Variants in YAF2 observed in about 807,000 individuals in gnomAD.
YAF2 encodes YY1-associated factor 2.
YAF2 carries 7 observed loss-of-function variants against 20.1 expected under a neutral mutation model. The observed-to-expected ratio is 0.35, with a 90% confidence interval of 0.20 to 0.65. The LOEUF is 0.65. Among genes scored for constraint, YAF2 ranks in the 30% least tolerant of loss-of-function variants. YAF2 has a pLI of 0.69. For synonymous variants in YAF2, 74 were observed against 76.0 expected (o/e 0.97, Z 0.14); for missense variants, 151 against 219.2 (o/e 0.69, Z 1.96).
intron 2 of YAF2, among the ~76,000 whole-genome samples, chr12:42,213,009 A>G (rs1384310571): frequency 6.6e-6 from 1 of 152,222 alleles, no homozygotes; most frequent in Non-Finnish European, 1.5e-5. Flanking sequence ...AAGGAGCAAT[A>G]ATGCAAATAT....
chr12:42,234,659 A>G, intron 2 of YAF2: 1 of 984,554 alleles, frequency 1.0e-6, no homozygotes, highest in African/African-American at 1.7e-5. Flanking sequence ...ATTTGAACTT[A>G]ATATTATTTA....
At chr12:42,179,076 A>C (rs2066272064) in intron 2 of YAF2, among the ~76,000 whole-genome samples, 1 of 152,092 alleles carries the variant, frequency 6.6e-6, no homozygotes, top group African/African-American at 2.4e-5. Flanking sequence ...GAAAAAATAC[A>C]CTTGTCTGGG....
intron 2 of YAF2, among the ~76,000 whole-genome samples, chr12:42,225,134 T>A (rs1385135250): frequency 6.6e-6 from 1 of 151,940 alleles, no homozygotes; most frequent in Non-Finnish European, 1.5e-5. Flanking sequence ...CAGTGATGAG[T>A]TTTTCACATT....
At chr12:42,212,038 A>G (rs2067227994) in intron 2 of YAF2, among the ~76,000 whole-genome samples, 1 of 152,142 alleles carries the variant, frequency 6.6e-6, no homozygotes, top group African/African-American at 2.4e-5. Flanking sequence ...TCATCTCAAA[A>G]AAAAAAAAGT....
At chr12:42,162,268 T>G (rs1256649666) in intron 2 of YAF2, among the ~76,000 whole-genome samples, 1 of 152,202 alleles carries the variant, frequency 6.6e-6, no homozygotes, top group Non-Finnish European at 1.5e-5. Flanking sequence ...TCCTTTAAGT[T>G]TCTTACATCT....
chr12:42,236,711 AC>A (rs2068170326), intron 2 of YAF2, among the ~76,000 whole-genome samples: 1 of 152,164 alleles, frequency 6.6e-6, no homozygotes, highest in Non-Finnish European at 1.5e-5. Context: ...TTTCTAATGG[AC>A]TTTGTAATAT....
intron 2 of YAF2, among the ~76,000 whole-genome samples, chr12:42,230,846 C>T (rs1264263410): frequency 2.0e-5 from 3 of 152,226 alleles, no homozygotes; most frequent in South Asian, 4.1e-4. Flanking sequence ...GTCTTAGAGA[C>T]ATGAAGGAAG....
rs565241531 is a variant in YAF2, at chr12:42,161,318, C to T, written c.305+295G>A. ...CTGTTCGGTATGTTGAAAACCACTCCTGGTTCAAATAGCTCTTCTTAAGGG... is the reference window on the plus strand; with the variant it reads ...CTGTTCGGTATGTTGAAAACCACTCTTGGTTCAAATAGCTCTTCTTAAGGG... On this transcript the variant is annotated intron_variant, in intron 3 of 3. Transcript: ENST00000534854. The T allele has an allele frequency of 4.0e-5, 11 of 275,630 alleles. No individual in the cohort carries two copies. In the South Asian group the frequency reaches 5.5e-4, roughly 14 times the overall value. The allele number at this position is 275,630 out of a possible 1,614,324, so 17.1% of individuals were successfully genotyped here.
At chr12:42,168,563 C>T (rs887901241) in intron 2 of YAF2, among the ~76,000 whole-genome samples, 1 of 152,004 alleles carries the variant, frequency 6.6e-6, no homozygotes, top group African/African-American at 2.4e-5. Context: ...AAATTCTTTT[C>T]GGAAAAATGA....
rs376883094 is a variant in YAF2, at chr12:42,236,807, G to A, written c.152+792C>T. ...AGGGTACCTTCGTATAAGAATCAAG[G>A]AGCTCGATAACTAAGTGCTGACAGA... On this transcript the variant is annotated intron_variant, in intron 2 of 3. Coordinates refer to ENST00000534854, the MANE Select transcript of YAF2 (RefSeq NM_005748.6). Among the ~76,000 whole-genome samples, 9 of 152,246 alleles carry A rather than the reference G, an allele frequency of 5.9e-5. No individual in the cohort carries two copies. In the East Asian group the frequency reaches 1.5e-3, roughly 26 times the overall value.
At chr12:42,210,622 G>A (rs1269488115) in intron 2 of YAF2, 4 of 1,535,932 alleles carry the variant, frequency 2.6e-6, no homozygotes, top group Non-Finnish European at 3.5e-6. Context: ...ATGTGGATCT[G>A]TGGAGATTAC....
At chr12:42,194,759 C>G (rs1328014478) in intron 2 of YAF2, among the ~76,000 whole-genome samples, 1 of 152,144 alleles carries the variant, frequency 6.6e-6, no homozygotes, top group Non-Finnish European at 1.5e-5. Flanking sequence ...GGTCCAGGCC[C>G]TACATTACAG....
rs1185422721 is a variant in YAF2, at chr12:42,228,710, G to A, written c.152+8889C>T. ...CAGCCGCCCCGTCCGGGAGGTGAGG[G>A]GCGCCTCTGCCCGGCCGCCCCTACT... On this transcript the variant is annotated intron_variant, in intron 2 of 3. Coordinates refer to ENST00000534854, the MANE Select transcript of YAF2 (RefSeq NM_005748.6). 4.1e-4 allele frequency among the ~76,000 whole-genome samples: 36 copies of A among 88,554 alleles called. No individual in the cohort carries two copies. In the South Asian group the frequency reaches 0.02, roughly 49 times the overall value. The allele number at this position is 88,554 out of a possible 152,430, so 58.1% of individuals were successfully genotyped here. A position where few individuals can be genotyped will look rare whatever the true frequency, so the allele number is the denominator to read the frequency against.
intron 2 of YAF2, among the ~76,000 whole-genome samples, chr12:42,222,498 G>A (rs946685155): frequency 6.6e-6 from 1 of 152,140 alleles, no homozygotes; most frequent in African/African-American, 2.4e-5. Context: ...CAGCCATATA[G>A]GGGCGGTTTG....
At chr12:42,178,330 G>T (rs1372715082) in intron 2 of YAF2, among the ~76,000 whole-genome samples, 1 of 152,038 alleles carries the variant, frequency 6.6e-6, no homozygotes, top group African/African-American at 2.4e-5. Context: ...AATGAAGCCT[G>T]GTACAGGTTA....
At chr12:42,206,933 A>T (rs536423004) in intron 2 of YAF2, among the ~76,000 whole-genome samples, 64 of 152,242 alleles carry the variant, frequency 4.2e-4, no homozygotes, top group South Asian at 3.3e-3. Context: ...TTCTACCCAG[A>T]TTCAAAATTG....
chr12:42,230,986 T>TA (rs150831486), intron 2 of YAF2, among the ~76,000 whole-genome samples: 4,550 of 152,156 alleles, frequency 0.03, 91 homozygotes, highest in Non-Finnish European at 0.042. Context: ...ATAAAGGAAA[T>TA]AAAAAGAATA....
Position 42,161,142 on chromosome 12 carries a change from A to C in YAF2, c.306-316T>G, listed in dbSNP as rs1377687001. On this transcript the variant is annotated intron_variant, in intron 3 of 3. Coordinates refer to ENST00000534854, the MANE Select transcript of YAF2 (RefSeq NM_005748.6). ...AAATAGATGTTTTAGACAACAATGA[A>C]ATAGTTGCACCATGGAGGAAGGTGA... The C allele has an allele frequency of 9.1e-6, 3 of 328,820 alleles. No homozygotes were observed. In the East Asian group the frequency reaches 2.2e-4, roughly 24 times the overall value. The allele number at this position is 328,820 out of a possible 1,614,324, so 20.4% of individuals were successfully genotyped here.
chr12:42,237,524 G>A (rs370939224), intron 2 of YAF2, 75 bp downstream of exon 2: 4 of 1,407,820 alleles, frequency 2.8e-6, no homozygotes, highest in South Asian at 3.0e-5. Flanking sequence ...TCATGGGAGG[G>A]GGCGGCAGCC....
Sources: gnomAD v4.1 joint callset for allele counts (sites outside exome capture counted in the v4.1 genomes callset) on GRCh38, gnomAD v4.1.1 for gene constraint, MANE v1.5 for transcripts, NCBI Gene and HGNC (gene_info 2026-07-23, HGNC 2026-07-21) for gene names.